The following PPP1R3A variants were observed in gnomAD, a reference collection of about 807,000 sequenced individuals.
PPP1R3A encodes the protein protein phosphatase 1 regulatory subunit 3A, also known as RG1.
A neutral mutation model predicts 41.7 loss-of-function variants in PPP1R3A; 29 were observed. The ratio of observed to expected loss-of-function variants is 0.70; its 90% CI spans 0.52 to 0.95. PPP1R3A has a LOEUF of 0.95. PPP1R3A is among the 40% of genes least tolerant of loss of function. PPP1R3A has a pLI of 0.00. For missense variants in PPP1R3A, 1,352 were observed against 1,292.4 expected (o/e 1.05, Z -0.71); for synonymous variants, 485 against 453.4 (o/e 1.07, Z -0.89).
At chr7:113,905,246 T>C (rs373390768) in intron 1 of PPP1R3A, among the ~76,000 whole-genome samples, 2 of 151,796 alleles carry the variant, frequency 1.3e-5, no homozygotes, top group African/African-American at 4.8e-5. Flanking sequence ...TTTCCAATTC[T>C]TGTCATAAAA....
chr7:113,900,630 T>A (rs896760533), intron 1 of PPP1R3A, among the ~76,000 whole-genome samples: 1 of 148,852 alleles, frequency 6.7e-6, no homozygotes, highest in Non-Finnish European at 1.5e-5. Context: ...TATTATTGTA[T>A]ATATGACATA....
At chr7:113,885,419 A>G (rs1796767611) in intron 1 of PPP1R3A, among the ~76,000 whole-genome samples, 1 of 152,138 alleles carries the variant, frequency 6.6e-6, no homozygotes, top group Admixed American at 6.6e-5. Context: ...TTTGACCGAC[A>G]TTATCTTCAA....
chr7:113,894,681 AT>A, intron 1 of PPP1R3A, among the ~76,000 whole-genome samples: 1 of 151,958 alleles, frequency 6.6e-6, no homozygotes, highest in South Asian at 2.1e-4. Flanking sequence ...AAAGATGCTA[AT>A]TTTTTGTGAT....
intron 1 of PPP1R3A, among the ~76,000 whole-genome samples, chr7:113,896,392 T>G (rs1796976882): frequency 6.6e-6 from 1 of 151,878 alleles, no homozygotes; most frequent in Non-Finnish European, 1.5e-5. Flanking sequence ...TTTGGGCTTC[T>G]GTTGTTTTTT....
At position 113,887,018 on chromosome 7, in the gene PPP1R3A, G is replaced by A. The variant is rs568188969; in HGVS notation, c.783-4698C>T. Among the ~76,000 whole-genome samples, 22 of 152,224 alleles carry A rather than the reference G, an allele frequency of 1.4e-4. No homozygotes were observed. The East Asian group carries it at 3.1e-3, about 21-fold the overall frequency. ...AAGAAATGCTGTTGAGTGAATAAAT[G>A]CACAGCATCGTCTCCACCCTCCCTT... On this transcript the variant is annotated intron_variant, in intron 1 of 3. Transcript: ENST00000284601.
chr7:113,907,277 C>A (rs562852424), intron 1 of PPP1R3A, among the ~76,000 whole-genome samples: 1 of 151,838 alleles, frequency 6.6e-6, no homozygotes, highest in African/African-American at 2.4e-5. Flanking sequence ...CTCGGAGGAA[C>A]TTTCTAAATA....
Position 113,878,142 on chromosome 7 carries a change from T to C in PPP1R3A, c.2950A>G (p.Thr984Ala), listed in dbSNP as rs538868155. 1 of 1,613,392 alleles carries C rather than the reference T, an allele frequency of 6.2e-7. No individual in the cohort carries two copies. The highest frequency in any genetic ancestry group is 1.1e-5 in the South Asian group (1 of 91,078). Residue 984 changes from threonine (T) to alanine (A), a missense_variant, in exon 4 of 4, where the codon ACA (threonine) becomes GCA (alanine). Physicochemically the swap from Thr to Ala is moderately conservative, Grantham distance 58. Transcript: ENST00000284601. ...CATCTTTCTTTTCTACTACCTGATGTCACTATTCCTGAACTTCTGGAAACT... is the reference window on the plus strand; with the variant it reads ...CATCTTTCTTTTCTACTACCTGATGCCACTATTCCTGAACTTCTGGAAACT... Reference protein sequence around the residue: ...EEVSRSSGIVTSGSRKERCIG... With the variant: ...EEVSRSSGIVASGSRKERCIG...
Position 113,879,289 on chromosome 7 carries a change from A to C in PPP1R3A, c.1803T>G (p.His601Gln). Residue 601 changes from histidine (H) to glutamine (Q), a missense_variant, in exon 4 of 4, where the codon CAT becomes CAG. His to Gln is a conservative substitution (Grantham distance 24, BLOSUM62 0). Transcript: ENST00000284601. ...AAGCGCTGCCTTCACTAGTCAAATG[A>C]TGATGCTCTGGGGTTAACACAGCTT... ...WEEAVLTPEH[H>Q]HLTSEGSALG... The C allele has an allele frequency of 6.2e-7, 1 of 1,613,664 alleles. No individual in the cohort carries two copies. The highest frequency in any genetic ancestry group is 8.5e-7 in the Non-Finnish European group (1 of 1,179,742).
chr7:113,882,000 A>G lies in PPP1R3A; in HGVS notation c.966+39T>C, dbSNP rs183624654. ...TGCAGCATCTTTGAAGCAGAAATGG[A>G]TTCATCTTCTCTAATACCGTGGCAA... On this transcript the variant is annotated intron_variant, in intron 3 of 3. Coordinates refer to ENST00000284601, the MANE Select transcript of PPP1R3A (RefSeq NM_002711.4). 606 of 1,599,132 alleles carry G rather than the reference A, an allele frequency of 3.8e-4. 1 individual carries two copies. In the African/African-American group the frequency reaches 5.0e-3, roughly 13 times the overall value.
rs764321510 is a variant in PPP1R3A, at chr7:113,878,995, T to C, written c.2097A>G (p.Thr699=). The C allele has an allele frequency of 9.3e-6, 15 of 1,613,544 alleles. 1 individual carries two copies. The South Asian group carries it at 1.6e-4, about 18-fold the overall frequency. The part of the protein sequence containing the change: ...RDNTRSLKAT[T]EELFTCQETV... ...TTTCTTGGCAGGTAAACAATTCTTC[T>C]GTAGTAGCTTTCAAACTCCTCGTAT... Residue 699 remains threonine (T), a synonymous_variant, in exon 4 of 4, where the codon ACA becomes ACG. Transcript: ENST00000284601.
In PPP1R3A at chr7:113,882,165, T is replaced by C; in HGVS notation, c.842-2A>G. The C allele has an allele frequency of 6.2e-7, 1 of 1,611,028 alleles. No individual in the cohort carries two copies. Among genetic ancestry groups the C allele is most frequent in the Non-Finnish European group, 8.5e-7 (1 of 1,177,784 alleles). Reference sequence around the variant, plus strand: ...AAATGATTGTTGGGATATAGGTATCTGAAAAGTTAATATAATTGTGCCTAT... The same window carrying C: ...AAATGATTGTTGGGATATAGGTATCCGAAAAGTTAATATAATTGTGCCTAT... On this transcript the variant is annotated splice_acceptor_variant, in intron 2 of 3. Transcript: ENST00000284601. LOFTEE classifies it high-confidence loss of function.
rs1033517784 is a variant in PPP1R3A at position 113,878,116 on chromosome 7, G to A, written c.2976C>T (p.Cys992=). The change falls in exon 4 of 4, where the codon TGC becomes TGT. Residue 992 remains cysteine, a synonymous_variant. Transcript: ENST00000284601. ...IVTSGSRKER[C]IGQIFQTEEY... ...CTTCTGTTTGGAAAATCTGGCCTAT[G>A]CATCTTTCTTTTCTACTACCTGATG... 20 of 1,613,216 alleles carry A rather than the reference G, an allele frequency of 1.2e-5. No individual in the cohort carries two copies. Among genetic ancestry groups the A allele is most frequent in the Non-Finnish European group, 1.5e-5 (18 of 1,179,656 alleles).
intron 1 of PPP1R3A, among the ~76,000 whole-genome samples, chr7:113,889,656 G>A (rs1004739306): frequency 1.1e-4 from 16 of 152,144 alleles, no homozygotes; most frequent in African/African-American, 7.2e-5. Flanking sequence ...TTTATGTGAC[G>A]ACTTCTAGTA....
chr7:113,883,602 C>T (rs1272784863), intron 1 of PPP1R3A, among the ~76,000 whole-genome samples: 1 of 151,624 alleles, frequency 6.6e-6, no homozygotes, highest in African/African-American at 2.4e-5. Flanking sequence ...TTTATGAATC[C>T]ATATTGCTTA....
At chr7:113,909,517 T>C (rs1010065813) in intron 1 of PPP1R3A, among the ~76,000 whole-genome samples, 1 of 152,038 alleles carries the variant, frequency 6.6e-6, no homozygotes, top group African/African-American at 2.4e-5. Flanking sequence ...CCAATTGGGC[T>C]ATTCCTGATC....
At chr7:113,904,870 T>C (rs1289460302) in intron 1 of PPP1R3A, among the ~76,000 whole-genome samples, 4 of 151,694 alleles carry the variant, frequency 2.6e-5, no homozygotes, top group Non-Finnish European at 4.4e-5. Context: ...TCTCACAATG[T>C]TTTCACTGGG....
rs145499384 is a variant in PPP1R3A at position 113,878,077 on chromosome 7, T to C, written c.3015A>G (p.Glu1005=). 2.7e-5 allele frequency: 44 copies of C among 1,613,410 alleles called. No individual in the cohort carries two copies. In the African/African-American group the frequency reaches 5.2e-4, roughly 19 times the overall value. The change falls in exon 4 of 4, where the codon GAA becomes GAG. Residue 1005 remains glutamate (E), a synonymous_variant. Coordinates refer to ENST00000284601, the MANE Select transcript of PPP1R3A (RefSeq NM_002711.4). ...QIFQTEEYSV[E]KSLGPMILIN... ...TTAAAATCATTGGCCCTAGAGATTTTTCCACACTATACTCTTCTGTTTGGA... is the reference window on the plus strand; with the variant it reads ...TTAAAATCATTGGCCCTAGAGATTTCTCCACACTATACTCTTCTGTTTGGA...
chr7:113,898,923 T>G (rs1169699679), intron 1 of PPP1R3A, among the ~76,000 whole-genome samples: 2 of 151,848 alleles, frequency 1.3e-5, no homozygotes, highest in African/African-American at 2.4e-5. Flanking sequence ...AATTCAGTAT[T>G]GTCTTTTTCC....
chr7:113,878,544 A>G lies in PPP1R3A; in HGVS notation c.2548T>C (p.Trp850Arg), dbSNP rs762658039. The G allele has an allele frequency of 5.0e-6, 8 of 1,613,460 alleles. No individual in the cohort carries two copies. The highest frequency in any genetic ancestry group is 3.3e-5 in the South Asian group (3 of 91,084). ...GCTTTTTGATATTCTGTAATGACCC[A>G]TGAGGATTCTTCCACAGATGTTATA... ...GNITSVEESS[W>R]VITEYQKATS... is the part of the protein sequence containing the mutation. The change falls in exon 4 of 4, where the codon TGG becomes CGG. Residue 850 changes from tryptophan to arginine, a missense_variant. Coordinates refer to ENST00000284601, the MANE Select transcript of PPP1R3A (RefSeq NM_002711.4).
Sources: gnomAD v4.1 joint callset for allele counts (sites outside exome capture counted in the v4.1 genomes callset) on GRCh38, gnomAD v4.1.1 for gene constraint, MANE v1.5 for transcripts, NCBI Gene and HGNC (gene_info 2026-07-23, HGNC 2026-07-21) for gene names.